The following ZNF654 variants were observed in gnomAD, a reference collection of about 807,000 sequenced individuals.
The protein encoded by ZNF654 is melanoma-associated antigen.
In ZNF654, 19 loss-of-function variants were observed where a neutral mutation model predicts 95.3. The observed-to-expected ratio is 0.20, with a 90% confidence interval of 0.14 to 0.29. The LOEUF (loss-of-function observed/expected upper bound fraction) is 0.29, where lower values mean the gene tolerates loss of function less well. Among genes scored for constraint, ZNF654 ranks in the 10% least tolerant of loss-of-function variants. The probability of loss-of-function intolerance (pLI) is 1.00; values close to 1 mark genes in which losing one functional copy is unlikely to be tolerated. For missense variants in ZNF654, 1,046 were observed against 1,341.0 expected (o/e 0.78, Z 3.44); for synonymous variants, 413 against 457.9 (o/e 0.90, Z 1.25).
At chr3:88,125,742 C>T (rs1706061732) in intron 3 of ZNF654, among the ~76,000 whole-genome samples, 1 of 152,176 alleles carries the variant, frequency 6.6e-6, no homozygotes, top group Admixed American at 6.5e-5. Flanking sequence ...GCCCCCTGCC[C>T]TACCACGCTC....
intron 1 of ZNF654, among the ~76,000 whole-genome samples, chr3:88,083,024 C>CCCTCCTCACT (rs1015715254): frequency 2.0e-5 from 3 of 151,694 alleles, no homozygotes; most frequent in African/African-American, 4.8e-5. Context: ...TCCTCCCTCC[C>CCCTCCTCACT]CCTCCTCACT....
At chr3:88,071,297 G>C (rs965767848) in intron 1 of ZNF654, among the ~76,000 whole-genome samples, 9 of 151,742 alleles carry the variant, frequency 5.9e-5, no homozygotes, top group Non-Finnish European at 1.2e-4. Context: ...ATCACCTGAG[G>C]TCAGGAGTTT....
At chr3:88,118,174 A>G (rs1466843667) in intron 3 of ZNF654, among the ~76,000 whole-genome samples, 1 of 152,128 alleles carries the variant, frequency 6.6e-6, no homozygotes, top group African/African-American at 2.4e-5. Context: ...CGGTGAAGCC[A>G]GTATATAAGT....
At chr3:88,104,322 G>A (rs1704608163) in intron 2 of ZNF654, among the ~76,000 whole-genome samples, 1 of 152,056 alleles carries the variant, frequency 6.6e-6, no homozygotes, top group Non-Finnish European at 1.5e-5. Context: ...CTAAAGCAGG[G>A]GTTGACAAAA....
At chr3:88,125,208 T>C (rs1706023738) in intron 3 of ZNF654, among the ~76,000 whole-genome samples, 1 of 145,330 alleles carries the variant, frequency 6.9e-6, no homozygotes, top group Non-Finnish European at 1.5e-5. Flanking sequence ...AAGTTAAGAC[T>C]CCATCTCAAA....
chr3:88,120,097 C>G (rs1351267139), intron 3 of ZNF654, among the ~76,000 whole-genome samples: 1 of 151,150 alleles, frequency 6.6e-6, no homozygotes, highest in South Asian at 2.1e-4. Flanking sequence ...AATAATGTAA[C>G]TTATAGGCAT....
chr3:88,090,622 CAT>C (rs1342338890), intron 2 of ZNF654, among the ~76,000 whole-genome samples: 2 of 152,102 alleles, frequency 1.3e-5, no homozygotes, highest in African/African-American at 4.8e-5. Context: ...TATATTTCTA[CAT>C]GAGTGTGTAG....
At chr3:88,126,816 A>G (rs920927834) in intron 4 of ZNF654, among the ~76,000 whole-genome samples, 7 of 152,090 alleles carry the variant, frequency 4.6e-5, no homozygotes, top group Admixed American at 6.6e-5. Context: ...ATAAGTGACT[A>G]ACTGAATGAA....
chr3:88,060,967 G>T (rs1378204745), intron 1 of ZNF654, among the ~76,000 whole-genome samples: 2 of 152,100 alleles, frequency 1.3e-5, no homozygotes, highest in Admixed American at 1.3e-4. Context: ...GAGTATGTCA[G>T]TTTCTTTGGC....
chr3:88,115,285 C>T (rs1186888642), intron 3 of ZNF654, among the ~76,000 whole-genome samples: 2 of 152,204 alleles, frequency 1.3e-5, no homozygotes, highest in African/African-American at 4.8e-5. Flanking sequence ...TCTCTTTCCC[C>T]CCGCTGTATT....
intron 1 of ZNF654, among the ~76,000 whole-genome samples, chr3:88,074,489 C>A (rs1333464536): frequency 1.3e-5 from 2 of 152,008 alleles, no homozygotes; most frequent in Non-Finnish European, 2.9e-5. Flanking sequence ...TTACAGGCAT[C>A]TGCCTCCATG....
intron 2 of ZNF654, among the ~76,000 whole-genome samples, chr3:88,099,449 C>CTT (rs1704267719): frequency 1.3e-5 from 2 of 152,182 alleles, no homozygotes; most frequent in South Asian, 4.1e-4. Flanking sequence ...CTACCAATGC[C>CTT]TTTCTTCACA....
intron 2 of ZNF654, among the ~76,000 whole-genome samples, chr3:88,091,080 A>T (rs187950907): frequency 2.9e-4 from 44 of 152,342 alleles, no homozygotes; most frequent in African/African-American, 1.0e-3. Flanking sequence ...ACAGGTTTGT[A>T]GCCCAGGTGT....
At chr3:88,101,191 GT>G (rs1160162843) in intron 2 of ZNF654, among the ~76,000 whole-genome samples, 1 of 151,996 alleles carries the variant, frequency 6.6e-6, no homozygotes, top group Non-Finnish European at 1.5e-5. Context: ...TTTTTGGTAA[GT>G]TTTATAGAGT....
At chr3:88,099,397 C>T (rs1242322270) in intron 2 of ZNF654, among the ~76,000 whole-genome samples, 5 of 152,182 alleles carry the variant, frequency 3.3e-5, no homozygotes, top group South Asian at 4.1e-4. Context: ...AACGGCCATA[C>T]TGCCCAAGGT....
chr3:88,121,448 A>ACTTT (rs897351659), intron 3 of ZNF654, among the ~76,000 whole-genome samples: 3 of 152,230 alleles, frequency 2.0e-5, no homozygotes, highest in African/African-American at 7.2e-5. Flanking sequence ...CTTTGTAAAA[A>ACTTT]CTTTCTATTG....
Position 88,060,759 on chromosome 3 carries a change from A to G in ZNF654, c.186+1254A>G, listed in dbSNP as rs532318297. ...ATCATGTTTGCTGACATTTCTTTCAATGCTTGTAAGGGATTTTTTCAATGC... is the reference window on the plus strand; with the variant it reads ...ATCATGTTTGCTGACATTTCTTTCAGTGCTTGTAAGGGATTTTTTCAATGC... On this transcript the variant is annotated intron_variant, in intron 1 of 8. Transcript: ENST00000636215. Among the ~76,000 whole-genome samples the G allele has an allele frequency of 3.0e-4, 45 of 152,258 alleles. No individual in the cohort carries two copies. In the South Asian group the frequency reaches 7.5e-3, roughly 25 times the overall value.
At chr3:88,132,767 A>AT (rs1706542788) in intron 6 of ZNF654, among the ~76,000 whole-genome samples, 1 of 152,236 alleles carries the variant, frequency 6.6e-6, no homozygotes. Flanking sequence ...TTTAATAAAG[A>AT]TGCTGAATAG....
At chr3:88,086,479 G>T (rs1708340397) in intron 2 of ZNF654, 77 bp downstream of exon 2, 5 of 1,225,840 alleles carry the variant, frequency 4.1e-6, no homozygotes, top group African/African-American at 1.5e-5. Flanking sequence ...AATTTCTTCT[G>T]AAGAAGAAAC....
Sources: gnomAD v4.1 joint callset for allele counts (sites outside exome capture counted in the v4.1 genomes callset) on GRCh38, gnomAD v4.1.1 for gene constraint, MANE v1.5 for transcripts, NCBI Gene and HGNC (gene_info 2026-07-23, HGNC 2026-07-21) for gene names.